TMEM30A: variants seen among roughly 807,000 people sequenced by gnomAD.
TMEM30A encodes the protein cell cycle control protein 50A.
TMEM30A carries 24 observed loss-of-function variants against 38.2 expected under a neutral mutation model. The ratio of observed to expected loss-of-function variants is 0.63; its 90% confidence interval spans 0.46 to 0.88. The LOEUF (loss-of-function observed/expected upper bound fraction) is 0.88, where lower values mean the gene tolerates loss of function less well. Ranked by LOEUF, TMEM30A falls within the 40% of genes least tolerant of loss-of-function variation. The probability of loss-of-function intolerance (pLI) is 0.00; values close to 1 mark genes in which losing one functional copy is unlikely to be tolerated. For missense variants in TMEM30A, 370 were observed against 458.6 expected, an observed-to-expected ratio of 0.81 and a Z score of 1.77; for synonymous variants, 145 against 161.6, an observed-to-expected ratio of 0.90 and a Z score of 0.78.
Position 75,262,681 on chromosome 6 carries a change from A to G in TMEM30A, c.454-1770T>C, listed in dbSNP as rs79223822. ...CAACAAACAACAACAACAAAAAAAA[A>G]CAAAGCTATTTGATGAGTACCTAAT... On this transcript the variant is annotated intron_variant, in intron 3 of 6. Transcript: ENST00000230461. Among the ~76,000 whole-genome samples the G allele has an allele frequency of 7.8e-3, 1,192 of 152,286 alleles. 14 individuals are homozygous for G. The highest frequency in any genetic ancestry group is 0.027 in the African/African-American group (1,140 of 41,562).
At chr6:75,271,250 C>CT (rs1562394493) in intron 1 of TMEM30A, among the ~76,000 whole-genome samples, 1 of 152,100 alleles carries the variant, frequency 6.6e-6, no homozygotes, top group East Asian at 1.9e-4. Flanking sequence ...AAATCATATT[C>CT]TTTTTTTAAC....
chr6:75,260,808 TG>T lies in TMEM30A; in HGVS notation c.541+15del. On this transcript the variant is annotated intron_variant, in intron 4 of 6. Coordinates refer to ENST00000230461, the MANE Select transcript of TMEM30A (RefSeq NM_018247.4). Reference sequence around the variant, plus strand: ...TGTCCTAATTATATATGTCTATATTTGTATCTATATCATACCATTAAACATG... The same window carrying T: ...TGTCCTAATTATATATGTCTATATTTTATCTATATCATACCATTAAACATG... 1 of 1,496,192 alleles carries T rather than the reference TG, an allele frequency of 6.7e-7. No homozygotes were observed. Among genetic ancestry groups the T allele is most frequent in the Non-Finnish European group, 9.0e-7 (1 of 1,109,384 alleles). The allele number at this position is 1,496,192 out of a possible 1,614,324, so 92.7% of individuals were successfully genotyped here.
intron 1 of TMEM30A, among the ~76,000 whole-genome samples, chr6:75,282,261 C>A (rs1772370780): frequency 1.3e-5 from 2 of 152,268 alleles, no homozygotes; most frequent in East Asian, 3.9e-4. Flanking sequence ...CTCTTCAGTG[C>A]CCTTTTAACC....
chr6:75,261,421 A>G (rs1186348139), intron 3 of TMEM30A, among the ~76,000 whole-genome samples: 3 of 152,250 alleles, frequency 2.0e-5, no homozygotes. Context: ...AAAGGAAGGA[A>G]GGAGTCTAGT....
chr6:75,266,017 C>T (rs891392253), intron 2 of TMEM30A, among the ~76,000 whole-genome samples: 1 of 152,026 alleles, frequency 6.6e-6, no homozygotes, highest in Non-Finnish European at 1.5e-5. Flanking sequence ...AAGAAAAGTA[C>T]TTTAATATAT....
chr6:75,256,751 G>A, intron 6 of TMEM30A: 2 of 485,470 alleles, frequency 4.1e-6, no homozygotes, highest in South Asian at 3.0e-5. Context: ...CTATGAAAAG[G>A]CTCTGAGCAA....
At chr6:75,276,337 C>T (rs534688879) in intron 1 of TMEM30A, among the ~76,000 whole-genome samples, 2 of 152,306 alleles carry the variant, frequency 1.3e-5, no homozygotes, top group South Asian at 4.1e-4. Flanking sequence ...CATGGAAACA[C>T]CAGTTTATAG....
At position 75,253,199 on chromosome 6, in the gene TMEM30A, A is replaced by G. The variant is rs1394667579; in HGVS notation, c.*2903T>C. 2 of 152,060 alleles carry G rather than the reference A, an allele frequency of 1.3e-5. No homozygotes were observed. Among genetic ancestry groups the G allele is most frequent in the Non-Finnish European group, 2.9e-5 (2 of 68,010 alleles). 9.4% of individuals were successfully genotyped at this position (152,060 alleles called of 1,614,324 possible). On this transcript the variant is annotated 3_prime_UTR_variant, in exon 7 of 7. Coordinates refer to ENST00000230461, the MANE Select transcript of TMEM30A (RefSeq NM_018247.4). ...TGTGTCATACAATAATTCTAAGGCA[A>G]TGGTTCTATGAAGACAGGAGAGGTA...
At chr6:75,261,621 C>G (rs1771966835) in intron 3 of TMEM30A, among the ~76,000 whole-genome samples, 1 of 152,156 alleles carries the variant, frequency 6.6e-6, no homozygotes, top group Non-Finnish European at 1.5e-5. Flanking sequence ...GGTTAGGGGT[C>G]TGTCTGAGCT....
intron 6 of TMEM30A, among the ~76,000 whole-genome samples, chr6:75,257,091 G>T (rs1442643804): frequency 6.6e-6 from 1 of 152,096 alleles, no homozygotes; most frequent in Admixed American, 6.6e-5. Flanking sequence ...GGGTCCCTAT[G>T]GGTCCCTAAC....
chr6:75,280,060 T>G (rs1362518515), intron 1 of TMEM30A, among the ~76,000 whole-genome samples: 1 of 152,210 alleles, frequency 6.6e-6, no homozygotes, highest in African/African-American at 2.4e-5. Flanking sequence ...AGTAAAACTT[T>G]CAAAAGCAAC....
chr6:75,257,141 A>T (rs1364106918), intron 6 of TMEM30A, among the ~76,000 whole-genome samples: 1 of 152,052 alleles, frequency 6.6e-6, no homozygotes, highest in Non-Finnish European at 1.5e-5. Flanking sequence ...TCTTAAATTA[A>T]CCCTAAACTA....
rs968292311 is a variant in TMEM30A at position 75,254,544 on chromosome 6, A to C, written c.*1558T>G. The C allele has an allele frequency of 5.3e-5, 8 of 152,180 alleles. No homozygotes were observed. Among genetic ancestry groups the C allele is most frequent in the African/African-American group, 1.4e-4 (6 of 41,464 alleles). The allele number at this position is 152,180 out of a possible 1,614,324, so 9.4% of individuals were successfully genotyped here. A position where few individuals can be genotyped will look rare whatever the true frequency, so the allele number is the denominator to read the frequency against. ...CTTTTAACTGAATTTCATATGTTAT[A>C]TAAAACTTGAAAAGTGTGGCACATT... is the stretch of plus-strand genomic sequence containing the variant. On this transcript the variant is annotated 3_prime_UTR_variant, in exon 7 of 7. Coordinates refer to ENST00000230461, the MANE Select transcript of TMEM30A (RefSeq NM_018247.4).
chr6:75,265,290 G>A lies in TMEM30A; in HGVS notation c.394C>T (p.Arg132Cys). ...TCATCTCGAGATTTCACGTAACGAC[G>A]ATGGTTTTGATAGAAATTAGACAGT... Reference protein sequence around the residue: ...YGLSNFYQNHRRYVKSRDDSQ... With the variant: ...YGLSNFYQNHCRYVKSRDDSQ... The change falls in exon 3 of 7, where the codon CGT becomes TGT. Residue 132 changes from arginine to cysteine, a missense_variant. Coordinates refer to ENST00000230461, the MANE Select transcript of TMEM30A (RefSeq NM_018247.4). The A allele has an allele frequency of 2.5e-6, 4 of 1,611,630 alleles. No homozygotes were observed. Among genetic ancestry groups the A allele is most frequent in the South Asian group, 1.1e-5 (1 of 90,882 alleles).
At chr6:75,262,552 G>T (rs1217365764) in intron 3 of TMEM30A, among the ~76,000 whole-genome samples, 1 of 151,786 alleles carries the variant, frequency 6.6e-6, no homozygotes, top group East Asian at 1.9e-4. Context: ...CTGAGGCACA[G>T]AATTGCTTGA....
Position 75,267,630 on chromosome 6 carries a change from G to T in TMEM30A, c.345+11C>A. ...CATGGCTTTTCTAGCACATTACTTG[G>T]AAACACAGACCTCAAATGACTTTTC... On this transcript the variant is annotated intron_variant, in intron 2 of 6. Coordinates refer to ENST00000230461, the MANE Select transcript of TMEM30A (RefSeq NM_018247.4). 6.3e-7 allele frequency: 1 copy of T among 1,585,776 alleles called. No homozygotes were observed. The highest frequency in any genetic ancestry group is 8.6e-7 in the Non-Finnish European group (1 of 1,158,892).
intron 1 of TMEM30A, among the ~76,000 whole-genome samples, chr6:75,270,710 C>G (rs190309226): frequency 1.0e-3 from 153 of 152,308 alleles, no homozygotes; most frequent in Non-Finnish European, 1.9e-3. Context: ...CACCGTAGTA[C>G]TCCTTGGTAA....
Position 75,256,788 on chromosome 6 carries a change from AG to A in TMEM30A, c.893-494del, listed in dbSNP as rs370203591. On this transcript the variant is annotated intron_variant, in intron 6 of 6. Coordinates refer to ENST00000230461, the MANE Select transcript of TMEM30A (RefSeq NM_018247.4). ...AGATCAAAAAGCATGGTAATAAAAA[AG>A]TTTTAACTTGCTGATTTGGAGCAAT... The A allele has an allele frequency of 2.7e-4, 127 of 479,034 alleles. No individual in the cohort carries two copies. In the East Asian group the frequency reaches 6.9e-3, roughly 26 times the overall value. 29.7% of individuals were successfully genotyped at this position (479,034 alleles called of 1,614,324 possible).
chr6:75,284,724 C>A lies in TMEM30A; in HGVS notation c.-86G>T. The A allele has an allele frequency of 1.4e-6, 2 of 1,387,896 alleles. No homozygotes were observed. Among genetic ancestry groups the A allele is most frequent in the Non-Finnish European group, 2.0e-6 (2 of 993,254 alleles). The allele number at this position is 1,387,896 out of a possible 1,614,324, so 86.0% of individuals were successfully genotyped here. A position where few individuals can be genotyped will look rare whatever the true frequency, so the allele number is the denominator to read the frequency against. On this transcript the variant is annotated 5_prime_UTR_variant, in exon 1 of 7. Transcript: ENST00000230461. ...ACCCTGACAGGAACCGCTCGAGCGCCGCTGCCGCCGCCGCCGCCGCAGCCA... is the reference window on the plus strand; with the variant it reads ...ACCCTGACAGGAACCGCTCGAGCGCAGCTGCCGCCGCCGCCGCCGCAGCCA...
Sources: gnomAD v4.1 joint callset for allele counts (sites outside exome capture counted in the v4.1 genomes callset) on GRCh38, gnomAD v4.1.1 for gene constraint, MANE v1.5 for transcripts, NCBI Gene and HGNC (gene_info 2026-07-23, HGNC 2026-07-21) for gene names.